Variants in UBE2QL1 observed in about 807,000 individuals in gnomAD.
UBE2QL1 encodes the protein ubiquitin-conjugating enzyme E2Q-like protein 1.
Under a neutral mutation model 12.6 loss-of-function variants are expected in UBE2QL1, and 5 were observed. The ratio of observed to expected loss-of-function variants is 0.40; its 90% CI spans 0.21 to 0.83. The LOEUF (loss-of-function observed/expected upper bound fraction) is 0.83. Among genes scored for constraint, UBE2QL1 ranks in the 40% least tolerant of loss-of-function variants. The pLI is 0.37. For synonymous variants in UBE2QL1, 96 were observed against 94.5 expected (o/e 1.02, Z -0.10); for missense variants, 99 against 222.6 (o/e 0.44, Z 3.53).
In UBE2QL1 at chr5:6,473,319, CAT is replaced by C. The variant is rs527488067; in HGVS notation, c.355-17894_355-17893del. On this transcript the variant is annotated intron_variant, in intron 1 of 1. Coordinates refer to ENST00000399816, the MANE Select transcript of UBE2QL1 (RefSeq NM_001145161.3). Reference sequence around the variant, plus strand: ...AATCTCAGCAGTTTAATACAGGAAACATATATTCTGGCACAGAGTCTAATACA... The same window carrying C: ...AATCTCAGCAGTTTAATACAGGAAACATATTCTGGCACAGAGTCTAATACA... Among the ~76,000 whole-genome samples the C allele has an allele frequency of 3.5e-4, 54 of 152,324 alleles. No homozygotes were observed. The East Asian group carries it at 8.9e-3, about 25-fold the overall frequency.
At chr5:6,454,155 T>TA (rs1477660172) in intron 1 of UBE2QL1, among the ~76,000 whole-genome samples, 48 of 152,306 alleles carry the variant, frequency 3.2e-4, no homozygotes, top group African/African-American at 1.1e-3. Flanking sequence ...GTATTGGGAT[T>TA]ACAGGTGTGA....
At chr5:6,469,489 TTATA>T (rs749083548) in intron 1 of UBE2QL1, among the ~76,000 whole-genome samples, 32 of 148,026 alleles carry the variant, frequency 2.2e-4, no homozygotes, top group Non-Finnish European at 3.0e-4. Context: ...AGTGTTCATA[TTATA>T]TATATATTTT....
At chr5:6,453,230 T>A (rs904200025) in intron 1 of UBE2QL1, among the ~76,000 whole-genome samples, 3 of 152,186 alleles carry the variant, frequency 2.0e-5, no homozygotes, top group African/African-American at 7.2e-5. Context: ...CAGAGTCAGG[T>A]GGAGTTTATA....
chr5:6,483,046 C>A (rs147208300), intron 1 of UBE2QL1, among the ~76,000 whole-genome samples: 1 of 152,358 alleles, frequency 6.6e-6, no homozygotes, highest in Non-Finnish European at 1.5e-5. Flanking sequence ...TCTGATCAGA[C>A]CAATGCTCTT....
At chr5:6,471,456 T>G (rs73739323) in intron 1 of UBE2QL1, among the ~76,000 whole-genome samples, 2,157 of 152,326 alleles carry the variant, frequency 0.014, 54 homozygotes, top group African/African-American at 0.049. Context: ...GGCAGCAGGA[T>G]GCAGTCCCTG....
intron 1 of UBE2QL1, among the ~76,000 whole-genome samples, chr5:6,463,404 G>GT (rs1423849998): frequency 6.6e-6 from 1 of 152,020 alleles, no homozygotes; most frequent in Non-Finnish European, 1.5e-5. Context: ...CGTGTCCTTG[G>GT]TGCAGGGCCT....
intron 1 of UBE2QL1, among the ~76,000 whole-genome samples, chr5:6,463,550 C>T (rs1004900820): frequency 1.3e-4 from 19 of 151,660 alleles, no homozygotes; most frequent in Middle Eastern, 3.5e-3. Context: ...GGAGCGAGAC[C>T]GTGGTCCGAA....
At chr5:6,486,695 G>A (rs576578312) in intron 1 of UBE2QL1, among the ~76,000 whole-genome samples, 1 of 152,288 alleles carries the variant, frequency 6.6e-6, no homozygotes, top group South Asian at 2.1e-4. Flanking sequence ...TGCAGCAATC[G>A]TCTGCTGAAT....
chr5:6,474,436 AG>A (rs1450124872), intron 1 of UBE2QL1, among the ~76,000 whole-genome samples: 1 of 152,232 alleles, frequency 6.6e-6, no homozygotes, highest in Non-Finnish European at 1.5e-5. Flanking sequence ...CTCCAACTCC[AG>A]TGCCGGGATG....
intron 1 of UBE2QL1, among the ~76,000 whole-genome samples, chr5:6,459,396 A>C (rs954774564): frequency 6.6e-6 from 1 of 152,170 alleles, no homozygotes; most frequent in Admixed American, 6.5e-5. Context: ...AGAGAGATAG[A>C]GGGCTCTTGG....
chr5:6,463,964 A>G (rs1349471059), intron 1 of UBE2QL1, among the ~76,000 whole-genome samples: 1 of 150,270 alleles, frequency 6.7e-6, no homozygotes. Flanking sequence ...GTTTCAGATT[A>G]TTCTAAGAGA....
chr5:6,477,523 T>G (rs1441084256), intron 1 of UBE2QL1, among the ~76,000 whole-genome samples: 1 of 152,122 alleles, frequency 6.6e-6, no homozygotes, highest in Non-Finnish European at 1.5e-5. Context: ...TTCCAGACTT[T>G]AAGGAAATGG....
chr5:6,452,304 T>C (rs1323151054), intron 1 of UBE2QL1, among the ~76,000 whole-genome samples: 1 of 152,232 alleles, frequency 6.6e-6, no homozygotes, highest in Non-Finnish European at 1.5e-5. Flanking sequence ...CCAAAATCTC[T>C]TGCATGTTGC....
At chr5:6,465,617 G>C (rs1005007363) in intron 1 of UBE2QL1, among the ~76,000 whole-genome samples, 2 of 152,162 alleles carry the variant, frequency 1.3e-5, no homozygotes, top group African/African-American at 2.4e-5. Context: ...AGGGACTCTT[G>C]GGGGGGCTCT....
chr5:6,467,242 G>A (rs555439961), intron 1 of UBE2QL1, among the ~76,000 whole-genome samples: 6 of 150,660 alleles, frequency 4.0e-5, no homozygotes, highest in Non-Finnish European at 8.9e-5. Context: ...TTTTATTCTT[G>A]GAGCCTGCAT....
chr5:6,491,175 C>A, intron 1 of UBE2QL1, 43 bp from the exon 2 acceptor site: 1 of 1,490,456 alleles, frequency 6.7e-7, no homozygotes, highest in Non-Finnish European at 8.9e-7. Context: ...AAACAGAATT[C>A]CCAGTGACGT....
chr5:6,452,818 G>A (rs1263319600), intron 1 of UBE2QL1, among the ~76,000 whole-genome samples: 3 of 152,172 alleles, frequency 2.0e-5, no homozygotes, highest in East Asian at 1.9e-4. Context: ...TGGGACGATG[G>A]CGTGACTGGC....
intron 1 of UBE2QL1, among the ~76,000 whole-genome samples, chr5:6,465,818 C>T (rs1213296256): frequency 6.6e-6 from 1 of 152,246 alleles, no homozygotes; most frequent in African/African-American, 2.4e-5. Flanking sequence ...TGCTGCCTCA[C>T]CTTAAACCTG....
chr5:6,479,025 C>T lies in UBE2QL1; in HGVS notation c.355-12193C>T, dbSNP rs888295052. Reference sequence around the variant, plus strand: ...GCTGCCTGCCCTGGGGGCGTCCCTTCTATCGTGTGCAGCATCAGGAGTCTG... The same window carrying T: ...GCTGCCTGCCCTGGGGGCGTCCCTTTTATCGTGTGCAGCATCAGGAGTCTG... On this transcript the variant is annotated intron_variant, in intron 1 of 1. Coordinates refer to ENST00000399816, the MANE Select transcript of UBE2QL1 (RefSeq NM_001145161.3). The surrounding 1 kb of genome is among the most constrained non-coding windows in gnomAD (Gnocchi z 4.2). Among the ~76,000 whole-genome samples the T allele has an allele frequency of 6.6e-6, 1 of 152,114 alleles. No homozygotes were observed. The highest frequency in any genetic ancestry group is 1.5e-5 in the Non-Finnish European group (1 of 68,014).
Sources: allele counts gnomAD v4.1 joint callset (sites outside exome capture counted in the v4.1 genomes callset), GRCh38; gene constraint gnomAD v4.1.1; non-coding constraint Gnocchi (gnomAD v3.1); transcripts MANE v1.5; gene names NCBI Gene and HGNC (gene_info 2026-07-23, HGNC 2026-07-21).